TENM3: variants seen among roughly 807,000 people sequenced by gnomAD.
The protein encoded by TENM3 is teneurin transmembrane protein 3.
TENM3 carries 63 observed loss-of-function variants against 255.1 expected under a neutral mutation model. The ratio of observed to expected loss-of-function variants is 0.25; its 90% CI spans 0.20 to 0.30. The LOEUF (loss-of-function observed/expected upper bound fraction) is 0.30, where lower values mean the gene tolerates loss of function less well. TENM3 is among the 10% of genes least tolerant of loss of function. The pLI is 1.00. For missense variants in TENM3, 2,929 were observed against 3,461.1 expected, an observed-to-expected ratio of 0.85 and a Z score of 3.86; for synonymous variants, 1,306 against 1,322.3, an observed-to-expected ratio of 0.99 and a Z score of 0.27.
chr4:182,366,767 A>T (rs1221608707), intron 3 of TENM3, among the ~76,000 whole-genome samples: 1 of 152,166 alleles, frequency 6.6e-6, no homozygotes. Flanking sequence ...GTAATGTGTA[A>T]CCTTTAGACA....
the TENM3 span, among the ~76,000 whole-genome samples, chr4:181,775,049 C>A: frequency 2.0e-5 from 3 of 152,160 alleles, no homozygotes; most frequent in Non-Finnish European, 2.9e-5. Flanking sequence ...TAAAAATCTG[C>A]AAGTCCTTCA....
chr4:181,576,824 T>G, the TENM3 span, among the ~76,000 whole-genome samples: 1 of 142,484 alleles, frequency 7.0e-6, no homozygotes, highest in Non-Finnish European at 1.5e-5. Flanking sequence ...TTTTTTTTTT[T>G]TTTTTTGAGA....
the TENM3 span, among the ~76,000 whole-genome samples, chr4:181,880,894 G>C: frequency 6.6e-6 from 1 of 152,082 alleles, no homozygotes; most frequent in Non-Finnish European, 1.5e-5. Flanking sequence ...GCCAGCCCCC[G>C]GGGCTCTAAT....
the TENM3 span, chr4:181,874,438 T>A: frequency 6.6e-6 from 1 of 152,230 alleles, no homozygotes; most frequent in African/African-American, 2.4e-5. Context: ...CACATACCTG[T>A]TGTTGGAGCT....
At chr4:181,637,604 A>T in the TENM3 span, among the ~76,000 whole-genome samples, 3 of 152,214 alleles carry the variant, frequency 2.0e-5, no homozygotes, top group East Asian at 5.8e-4. Context: ...GAACACTGAC[A>T]AGGCTCCACC....
At chr4:181,803,939 C>CAAAAA in the TENM3 span, among the ~76,000 whole-genome samples, 23 of 117,452 alleles carry the variant, frequency 2.0e-4, no homozygotes, top group East Asian at 4.5e-4. Context: ...ATTATCTCAA[C>CAAAAA]AAAAAAAAAA....
chr4:182,438,667 C>G (rs991050981), intron 3 of TENM3, among the ~76,000 whole-genome samples: 1 of 152,162 alleles, frequency 6.6e-6, no homozygotes, highest in African/African-American at 2.4e-5. Context: ...TACACTTGTA[C>G]CTAACTTTGA....
At chr4:182,750,505 T>TAA (rs60311613) in intron 19 of TENM3, among the ~76,000 whole-genome samples, 2,311 of 152,300 alleles carry the variant, frequency 0.015, 68 homozygotes, top group African/African-American at 0.051. Flanking sequence ...ACAGGAATGA[T>TAA]AAAGTACAGC....
chr4:181,647,699 G>A, the TENM3 span, among the ~76,000 whole-genome samples: 1 of 152,166 alleles, frequency 6.6e-6, no homozygotes, highest in African/African-American at 2.4e-5. Flanking sequence ...AGAAACGGGG[G>A]CAAGGGAAAG....
chr4:182,623,913 A>C (rs1750550548), intron 4 of TENM3, among the ~76,000 whole-genome samples: 1 of 152,138 alleles, frequency 6.6e-6, no homozygotes, highest in South Asian at 2.1e-4. Flanking sequence ...TCCGCTTCTT[A>C]GAAATTATGC....
At chr4:181,878,844 T>A in the TENM3 span, among the ~76,000 whole-genome samples, 1 of 152,144 alleles carries the variant, frequency 6.6e-6, no homozygotes, top group African/African-American at 2.4e-5. Flanking sequence ...CCTACCTGCT[T>A]ATCTATCTTT....
the TENM3 span, among the ~76,000 whole-genome samples, chr4:181,918,253 A>G: frequency 6.6e-6 from 1 of 152,308 alleles, no homozygotes; most frequent in South Asian, 2.1e-4. Context: ...CTAACAGTAA[A>G]TAACATAATA....
intron 2 of TENM3, among the ~76,000 whole-genome samples, chr4:182,334,596 C>A (rs1249141239): frequency 6.6e-6 from 1 of 151,702 alleles, no homozygotes; most frequent in Non-Finnish European, 1.5e-5. Flanking sequence ...ATGATATTGG[C>A]ATAAATAAAG....
intron 22 of TENM3, among the ~76,000 whole-genome samples, chr4:182,765,462 T>G (rs765666561): frequency 3.3e-5 from 5 of 152,226 alleles, no homozygotes; most frequent in African/African-American, 4.8e-5. Flanking sequence ...CTTCTTTCTT[T>G]GCTCCCTTTT....
intron 4 of TENM3, among the ~76,000 whole-genome samples, chr4:182,621,090 A>G (rs1488128466): frequency 1.3e-5 from 2 of 151,846 alleles, no homozygotes; most frequent in Non-Finnish European, 2.9e-5. Context: ...CTGAGGCAGG[A>G]GAATGGCGTG....
At chr4:182,386,578 A>T (rs987103896) in intron 3 of TENM3, among the ~76,000 whole-genome samples, 1 of 152,174 alleles carries the variant, frequency 6.6e-6, no homozygotes. Flanking sequence ...CGCGAGCAGG[A>T]ACTGGGGCTG....
chr4:182,615,803 A>C (rs1426938375), intron 4 of TENM3, among the ~76,000 whole-genome samples: 1 of 152,158 alleles, frequency 6.6e-6, no homozygotes, highest in African/African-American at 2.4e-5. Context: ...GATCCAATGG[A>C]TTGAGCGTTG....
At chr4:182,594,870 C>T (rs1357105744) in intron 3 of TENM3, among the ~76,000 whole-genome samples, 1 of 151,960 alleles carries the variant, frequency 6.6e-6, no homozygotes, top group East Asian at 1.9e-4. Flanking sequence ...CAGGCACGTG[C>T]CACCGCGCCC....
chr4:181,641,805 CATATATATATATATATATATAT>C, the TENM3 span, among the ~76,000 whole-genome samples: 6 of 31,440 alleles, frequency 1.9e-4, no homozygotes, highest in South Asian at 5.7e-3. Context: ...ACACACACAC[CATATATATATATATATATATAT>C]ATATATATAT....
Sources: allele counts gnomAD v4.1 joint callset (sites outside exome capture counted in the v4.1 genomes callset), GRCh38; gene constraint gnomAD v4.1.1; transcripts MANE v1.5; gene names NCBI Gene and HGNC (gene_info 2026-07-23, HGNC 2026-07-21).